Variants in TESK2 observed in about 807,000 individuals in gnomAD.
TESK2 encodes the protein dual specificity testis-specific protein kinase 2.
A neutral mutation model predicts 57.1 loss-of-function variants in TESK2; 39 were observed. The ratio of observed to expected loss-of-function variants is 0.68; its 90% CI spans 0.53 to 0.89. The LOEUF is 0.89. Ranked by LOEUF, TESK2 falls within the 40% of genes least tolerant of loss-of-function variation. The probability of loss-of-function intolerance (pLI) is 0.00; values close to 1 mark genes in which losing one functional copy is unlikely to be tolerated. For synonymous variants in TESK2, 249 were observed against 267.9 expected, an observed-to-expected ratio of 0.93 and a Z score of 0.69; for missense variants, 646 against 732.1, an observed-to-expected ratio of 0.88 and a Z score of 1.36.
rs1382000619 is a variant in TESK2 at position 45,490,868 on chromosome 1, C to G, written c.-103G>C. On this transcript the variant is annotated 5_prime_UTR_variant, in exon 1 of 11. Transcript: ENST00000372086. ...TCACGTTACCTGAGGCAGGACTGAG[C>G]AGCCAGAGGGGTGCCTGCGCGGGCA... 1 of 152,872 alleles carries G rather than the reference C, an allele frequency of 6.5e-6. No homozygotes were observed. Among genetic ancestry groups the G allele is most frequent in the African/African-American group, 2.4e-5 (1 of 41,466 alleles). 9.5% of individuals were successfully genotyped at this position (152,872 alleles called of 1,614,324 possible).
In TESK2 at chr1:45,394,679, CTTTTTT is replaced by C. The variant is rs5773871; in HGVS notation, c.345-8725_345-8720del. 1.8e-3 allele frequency among the ~76,000 whole-genome samples: 104 copies of C among 57,426 alleles called. 1 individual carries two copies. The highest frequency in any genetic ancestry group is 1.9e-3 in the Non-Finnish European group (64 of 33,586). The allele number at this position is 57,426 out of a possible 152,430, so 37.7% of individuals were successfully genotyped here. ...AAGATAGTAAGACCAACAGGAAACT[CTTTTTT>C]TTTTTTTTTTTTTTTTTTTTTTTAA... On this transcript the variant is annotated intron_variant, in intron 3 of 10. Coordinates refer to ENST00000372086, the MANE Select transcript of TESK2 (RefSeq NM_007170.3).
intron 2 of TESK2, among the ~76,000 whole-genome samples, chr1:45,451,580 AG>A (rs1330197946): frequency 6.6e-6 from 1 of 152,204 alleles, no homozygotes; most frequent in African/African-American, 2.4e-5. Flanking sequence ...GGTCTGCCTT[AG>A]GACCTGAATT....
intron 2 of TESK2, among the ~76,000 whole-genome samples, chr1:45,430,276 G>A (rs1304158048): frequency 6.6e-6 from 1 of 152,068 alleles, no homozygotes; most frequent in African/African-American, 2.4e-5. Flanking sequence ...GGCTGCTTGA[G>A]CCCAGGAGTT....
At position 45,385,978 on chromosome 1, in the gene TESK2, A is replaced by T; in HGVS notation, c.345-18T>A. 1 of 1,586,508 alleles carries T rather than the reference A, an allele frequency of 6.3e-7. No individual in the cohort carries two copies. Among genetic ancestry groups the T allele is most frequent in the South Asian group, 1.1e-5 (1 of 89,316 alleles). On this transcript the variant is annotated intron_variant, in intron 3 of 10. Transcript: ENST00000372086. ...CCATGAACCTAAAGAACAAGACAGA[A>T]TTATTTAACAAGTGAAAAGGACACA...
At chr1:45,474,444 T>C (rs755027441) in intron 1 of TESK2, among the ~76,000 whole-genome samples, 3 of 152,058 alleles carry the variant, frequency 2.0e-5, no homozygotes, top group African/African-American at 4.8e-5. Flanking sequence ...CTGGGCAACA[T>C]AGCAAGACCC....
chr1:45,346,561 G>A (rs1464284721), intron 9 of TESK2, 132 bp downstream of exon 9: 15 of 696,012 alleles, frequency 2.2e-5, no homozygotes, highest in Non-Finnish European at 3.8e-5. Context: ...GGAGGAGGAG[G>A]TGTGGTTGCT....
At chr1:45,397,799 C>G (rs1460260534) in intron 3 of TESK2, among the ~76,000 whole-genome samples, 2 of 152,136 alleles carry the variant, frequency 1.3e-5, no homozygotes, top group African/African-American at 4.8e-5. Context: ...CTCTATGAAT[C>G]CTTAAAAACT....
intron 1 of TESK2, among the ~76,000 whole-genome samples, chr1:45,464,803 A>G (rs1222317643): frequency 1.3e-5 from 2 of 152,210 alleles, no homozygotes; most frequent in Non-Finnish European, 2.9e-5. Flanking sequence ...GGAAGAGGTA[A>G]GAAACTGCTA....
At chr1:45,389,258 C>T (rs1163980274) in intron 3 of TESK2, among the ~76,000 whole-genome samples, 1 of 152,076 alleles carries the variant, frequency 6.6e-6, no homozygotes, top group African/African-American at 2.4e-5. Flanking sequence ...TCGTCATATA[C>T]ATATGTTAGC....
At chr1:45,490,469 G>C (rs1395275850) in intron 1 of TESK2, among the ~76,000 whole-genome samples, 1 of 152,126 alleles carries the variant, frequency 6.6e-6, no homozygotes, top group African/African-American at 2.4e-5. Context: ...GGGAAGTCAA[G>C]TGAAGGAACC....
intron 3 of TESK2, among the ~76,000 whole-genome samples, chr1:45,414,108 T>A (rs1220777112): frequency 6.6e-6 from 1 of 152,226 alleles, no homozygotes; most frequent in Non-Finnish European, 1.5e-5. Context: ...AATACTCGTC[T>A]GGGTAACAAA....
At chr1:45,360,354 A>T (rs931897877) in intron 4 of TESK2, among the ~76,000 whole-genome samples, 9 of 152,106 alleles carry the variant, frequency 5.9e-5, no homozygotes, top group African/African-American at 2.2e-4. Context: ...TGACAGTGTG[A>T]TATGTCGGGC....
chr1:45,453,341 CAA>C (rs560016914), intron 2 of TESK2, among the ~76,000 whole-genome samples: 75 of 53,150 alleles, frequency 1.4e-3, no homozygotes, highest in African/African-American at 1.6e-3. Flanking sequence ...GACCCTGTCT[CAA>C]AAAAAAAAAA....
chr1:45,376,199 A>G (rs1232713747), intron 4 of TESK2, among the ~76,000 whole-genome samples: 2 of 146,006 alleles, frequency 1.4e-5, no homozygotes, highest in Non-Finnish European at 3.0e-5. Context: ...GAGATGTGAC[A>G]TTTCTTTCTC....
Position 45,345,184 on chromosome 1 carries a change from G to A in TESK2, c.1372C>T (p.Pro458Ser), listed in dbSNP as rs1647121852. Residue 458 changes from proline (P) to serine (S), a missense_variant, in exon 11 of 11, where the codon CCT (proline) becomes TCT (serine). Coordinates refer to ENST00000372086, the MANE Select transcript of TESK2 (RefSeq NM_007170.3). The stretch of plus-strand genomic sequence containing the variant: ...TGATGCAAGAACTCAGGCGAACCAG[G>A]CAAGGAACGCCACCGGCGAATAGGT... Reference protein sequence around the residue: ...APPIRRWRSLPGSPEFLHQEA... With the variant: ...APPIRRWRSLSGSPEFLHQEA... 2 of 1,614,196 alleles carry A rather than the reference G, an allele frequency of 1.2e-6. No individual in the cohort carries two copies. Among genetic ancestry groups the A allele is most frequent in the East Asian group, 4.5e-5 (2 of 44,888 alleles).
chr1:45,392,650 G>A (rs943263561), intron 3 of TESK2, among the ~76,000 whole-genome samples: 5 of 151,864 alleles, frequency 3.3e-5, no homozygotes, highest in African/African-American at 1.2e-4. Flanking sequence ...GTGGTGAGCC[G>A]AGAGCGCACC....
intron 3 of TESK2, among the ~76,000 whole-genome samples, chr1:45,387,015 T>C (rs1648929346): frequency 6.6e-6 from 1 of 152,148 alleles, no homozygotes. Context: ...TCAGGGTTCA[T>C]TATATCATTC....
intron 3 of TESK2, among the ~76,000 whole-genome samples, chr1:45,410,081 G>C (rs1649980992): frequency 6.6e-6 from 1 of 151,290 alleles, no homozygotes; most frequent in Non-Finnish European, 1.5e-5. Context: ...ACGAGAACCT[G>C]GGAGGCGGAG....
chr1:45,486,660 G>A (rs1385109309), intron 1 of TESK2, among the ~76,000 whole-genome samples: 1 of 149,282 alleles, frequency 6.7e-6, no homozygotes, highest in African/African-American at 2.5e-5. Flanking sequence ...GGGTGACAGA[G>A]CAAGACCCCA....
Sources: gnomAD v4.1 joint callset for allele counts (sites outside exome capture counted in the v4.1 genomes callset) on GRCh38, gnomAD v4.1.1 for gene constraint, MANE v1.5 for transcripts, NCBI Gene and HGNC (gene_info 2026-07-23, HGNC 2026-07-21) for gene names.